Variants in HDLBP observed in about 807,000 individuals in gnomAD.
The protein encoded by HDLBP is vigilin.
A neutral mutation model predicts 137.3 loss-of-function variants in HDLBP; 30 were observed. The observed-to-expected ratio is 0.22, with a 90% CI of 0.16 to 0.30. HDLBP has a LOEUF of 0.30. HDLBP is among the 10% of genes least tolerant of loss of function. HDLBP has a pLI of 1.00. For synonymous variants in HDLBP, 606 were observed against 596.0 expected, an observed-to-expected ratio of 1.02 and a Z score of -0.24; for missense variants, 1,119 against 1,667.3, an observed-to-expected ratio of 0.67 and a Z score of 5.73.
chr2:241,229,082 C>T lies in HDLBP; in HGVS notation c.*519G>A, dbSNP rs1358218671. ...TGCCTCCTGCTGTCCATTGCCAGGT[C>T]TTCCTTGCACCCTGACACCTGTGCT... On this transcript the variant is annotated 3_prime_UTR_variant, in exon 28 of 28. Coordinates refer to ENST00000310931, the MANE Select transcript of HDLBP (RefSeq NM_005336.6). 1 of 156,402 alleles carries T rather than the reference C, an allele frequency of 6.4e-6. No homozygotes were observed. Among genetic ancestry groups the T allele is most frequent in the African/African-American group, 2.4e-5 (1 of 41,462 alleles). 9.7% of individuals were successfully genotyped at this position (156,402 alleles called of 1,614,324 possible).
chr2:241,312,287 T>G (rs1356634434), intron 1 of HDLBP, among the ~76,000 whole-genome samples: 1 of 152,234 alleles, frequency 6.6e-6, no homozygotes, highest in African/African-American at 2.4e-5. Context: ...AGAACAAATG[T>G]CTAGCTCATC....
intron 1 of HDLBP, among the ~76,000 whole-genome samples, chr2:241,311,590 G>A (rs1327910462): frequency 3.3e-5 from 5 of 152,096 alleles, no homozygotes; most frequent in Admixed American, 1.3e-4. Context: ...AAAAGAAAAC[G>A]GACAATTTCT....
intron 16 of HDLBP, among the ~76,000 whole-genome samples, chr2:241,245,592 T>C (rs1356260561): frequency 6.6e-6 from 1 of 152,136 alleles, no homozygotes; most frequent in East Asian, 1.9e-4. Flanking sequence ...CTTGAGGAGT[T>C]TGAGACCAGC....
At chr2:241,301,825 TAATA>T (rs1158953240) in intron 1 of HDLBP, among the ~76,000 whole-genome samples, 7 of 152,014 alleles carry the variant, frequency 4.6e-5, no homozygotes, top group Non-Finnish European at 7.4e-5. Context: ...TTTCCTATTC[TAATA>T]AATAAATCAG....
At chr2:241,246,265 A>G (rs1235068993) in intron 16 of HDLBP, among the ~76,000 whole-genome samples, 2 of 148,502 alleles carry the variant, frequency 1.3e-5, no homozygotes, top group African/African-American at 5.0e-5. Context: ...CTGGGGATAG[A>G]AGTGGGGGTG....
At chr2:241,287,009 C>G (rs2074841969) in intron 1 of HDLBP, among the ~76,000 whole-genome samples, 1 of 152,126 alleles carries the variant, frequency 6.6e-6, no homozygotes, top group South Asian at 2.1e-4. Flanking sequence ...GGTCTTCACC[C>G]TGTATCAAAT....
chr2:241,313,891 T>C (rs1225290807), intron 1 of HDLBP, among the ~76,000 whole-genome samples: 2 of 152,182 alleles, frequency 1.3e-5, no homozygotes, highest in Admixed American at 6.5e-5. Context: ...TTACACTCAA[T>C]GCACTTTTAC....
At chr2:241,232,738 C>T (rs1435071719) in intron 24 of HDLBP, among the ~76,000 whole-genome samples, 7 of 152,030 alleles carry the variant, frequency 4.6e-5, no homozygotes, top group Admixed American at 6.6e-5. Flanking sequence ...CACTTCAACC[C>T]GGGAGGCAGA....
Position 241,230,637 on chromosome 2 carries a change from C to T in HDLBP, c.3474+122G>A. 2.4e-6 allele frequency: 2 copies of T among 850,214 alleles called. No individual in the cohort carries two copies. The highest frequency in any genetic ancestry group is 3.7e-6 in the Non-Finnish European group (2 of 538,670). The allele number at this position is 850,214 out of a possible 1,614,324, so 52.7% of individuals were successfully genotyped here. The stretch of plus-strand genomic sequence containing the variant: ...GGTGTCCATGAGGACAGTTCCACTG[C>T]CAGCCCTGGGGTTGTGGCCTCATCA... On this transcript the variant is annotated intron_variant, in intron 25 of 27. Transcript: ENST00000310931. This position sits in a 1 kb window ranked among gnomAD's most constrained non-coding sequence, Gnocchi z 5.0.
At chr2:241,261,011 T>C (rs1462834353) in intron 5 of HDLBP, among the ~76,000 whole-genome samples, 2 of 148,192 alleles carry the variant, frequency 1.3e-5, no homozygotes, top group Non-Finnish European at 3.0e-5. Context: ...GGCAACATGG[T>C]GAAAACCCGC....
intron 1 of HDLBP, among the ~76,000 whole-genome samples, chr2:241,285,952 T>G (rs150933853): frequency 1.3e-5 from 2 of 152,102 alleles, no homozygotes; most frequent in Non-Finnish European, 2.9e-5. Context: ...TGAACCCAAT[T>G]TGAAGCTGCA....
rs756166950 is a variant in HDLBP, at chr2:241,240,205, C to G, written c.2170-83G>C. 60 of 1,324,242 alleles carry G rather than the reference C, an allele frequency of 4.5e-5. No individual in the cohort carries two copies. Among genetic ancestry groups the G allele is most frequent in the Non-Finnish European group, 6.4e-5 (59 of 917,096 alleles). 82.0% of individuals were successfully genotyped at this position (1,324,242 alleles called of 1,614,324 possible). ...GAAGACAAGAGGGTCTGTAGGACAG[C>G]AAGCTCGGGCTCCCCTTACATTGTC... On this transcript the variant is annotated intron_variant, in intron 17 of 27. Transcript: ENST00000310931. This position sits in a 1 kb window ranked among gnomAD's most constrained non-coding sequence, Gnocchi z 5.5.
At chr2:241,247,577 C>A (rs2071779916) in intron 14 of HDLBP, among the ~76,000 whole-genome samples, 1 of 152,236 alleles carries the variant, frequency 6.6e-6, no homozygotes. Context: ...TGCCTGTGGC[C>A]TTCTCATCCA....
rs776646027 is a variant in HDLBP, at chr2:241,229,899, CTCT to C, written c.3651_3653del (p.Glu1218del). ...CAAAGCCTCTGGAAGGTGCCTTGGC[CTCT>C]TCGTGTGCTGGGGGTTTCATGTATA... is the stretch of plus-strand genomic sequence containing the variant. On this transcript the variant is annotated inframe_deletion, in exon 27 of 28. Coordinates refer to ENST00000310931, the MANE Select transcript of HDLBP (RefSeq NM_005336.6). 1 of 1,597,566 alleles carries C rather than the reference CTCT, an allele frequency of 6.3e-7. No individual in the cohort carries two copies. The highest frequency in any genetic ancestry group is 8.5e-7 in the Non-Finnish European group (1 of 1,171,422).
intron 20 of HDLBP, among the ~76,000 whole-genome samples, chr2:241,237,854 T>C (rs2070747028): frequency 1.3e-5 from 2 of 152,080 alleles, no homozygotes; most frequent in Admixed American, 1.3e-4. Flanking sequence ...ATAGACAGAG[T>C]GCAGTATGAG....
chr2:241,235,791 G>C (rs1026118516), intron 21 of HDLBP, among the ~76,000 whole-genome samples, 197 bp from the exon 22 acceptor site: 1 of 152,222 alleles, frequency 6.6e-6, no homozygotes, highest in African/African-American at 2.4e-5. Flanking sequence ...AATGCTGGCA[G>C]ACAGAAATTC....
At chr2:241,276,651 T>C (rs1481405318) in intron 1 of HDLBP, among the ~76,000 whole-genome samples, 4 of 152,082 alleles carry the variant, frequency 2.6e-5, no homozygotes, top group African/African-American at 4.8e-5. Context: ...ATACTAACCA[T>C]ATGAAAGTTG....
chr2:241,256,893 C>A, intron 5 of HDLBP, 87 bp from the exon 6 acceptor site: 2 of 1,141,538 alleles, frequency 1.8e-6, no homozygotes, highest in East Asian at 2.4e-5. Context: ...GCAGAAACAC[C>A]ATCTTTGCTT....
chr2:241,239,475 C>G lies in HDLBP; in HGVS notation c.2610+127G>C. On this transcript the variant is annotated intron_variant, in intron 19 of 27. Coordinates refer to ENST00000310931, the MANE Select transcript of HDLBP (RefSeq NM_005336.6). This position sits in a 1 kb window ranked among gnomAD's most constrained non-coding sequence, Gnocchi z 4.6. ...AAGAAGAGCGAGCACCAGAAAGCCC[C>G]TTCTGAAGCCTTCCAGGGCTGTATG... The G allele has an allele frequency of 1.4e-6, 1 of 729,080 alleles. No individual in the cohort carries two copies. Among genetic ancestry groups the G allele is most frequent in the Non-Finnish European group, 2.3e-6 (1 of 433,492 alleles). 45.2% of individuals were successfully genotyped at this position (729,080 alleles called of 1,614,324 possible).
Sources: allele counts gnomAD v4.1 joint callset (sites outside exome capture counted in the v4.1 genomes callset), GRCh38; gene constraint gnomAD v4.1.1; non-coding constraint Gnocchi (gnomAD v3.1); transcripts MANE v1.5; gene names NCBI Gene and HGNC (gene_info 2026-07-23, HGNC 2026-07-21).